The following KHDRBS2 variants were observed in gnomAD, a reference collection of about 807,000 sequenced individuals.
KHDRBS2 encodes KH RNA binding domain containing, signal transduction associated 2, also known as KH domain-containing, RNA-binding, signal transduction-associated protein 2.
In KHDRBS2, 26 loss-of-function variants were observed where a neutral mutation model predicts 44.3. The ratio of observed to expected loss-of-function variants is 0.59; its 90% confidence interval spans 0.43 to 0.81. The LOEUF (loss-of-function observed/expected upper bound fraction) is 0.81. Among genes scored for constraint, KHDRBS2 ranks in the 40% least tolerant of loss-of-function variants. The pLI is 0.00. For missense variants in KHDRBS2, 476 were observed against 433.1 expected (o/e 1.10, Z -0.88); for synonymous variants, 194 against 151.1 (o/e 1.28, Z -2.08).
intron 6 of KHDRBS2, among the ~76,000 whole-genome samples, chr6:61,800,163 C>G (rs780808568): frequency 2.0e-5 from 3 of 152,054 alleles, no homozygotes; most frequent in Non-Finnish European, 4.4e-5. Context: ...AGCTAAGAAT[C>G]ATAGTTCTTG....
At chr6:62,163,713 C>A (rs1429186693) in intron 2 of KHDRBS2, among the ~76,000 whole-genome samples, 1 of 151,918 alleles carries the variant, frequency 6.6e-6, no homozygotes, top group Non-Finnish European at 1.5e-5. Flanking sequence ...CAGACAGACC[C>A]AGGTTCAAAT....
intron 6 of KHDRBS2, among the ~76,000 whole-genome samples, chr6:61,880,754 T>A (rs377644796): frequency 3.9e-4 from 59 of 152,074 alleles, no homozygotes; most frequent in African/African-American, 1.3e-3. Context: ...TACAGTAAAC[T>A]ATACTCCTGT....
intron 1 of KHDRBS2, among the ~76,000 whole-genome samples, chr6:62,221,703 T>C (rs503217): frequency 6.6e-6 from 1 of 151,970 alleles, no homozygotes; most frequent in East Asian, 1.9e-4. Flanking sequence ...ATCACTGTTG[T>C]AGTCAAATTT....
intron 1 of KHDRBS2, among the ~76,000 whole-genome samples, chr6:62,266,333 G>A (rs902081373): frequency 3.3e-5 from 5 of 152,028 alleles, no homozygotes; most frequent in Non-Finnish European, 5.9e-5. Flanking sequence ...CTGGCTGGCA[G>A]AGCCTGCTTC....
chr6:61,561,086 G>T, the KHDRBS2 span, among the ~76,000 whole-genome samples: 1 of 152,132 alleles, frequency 6.6e-6, no homozygotes. Flanking sequence ...ACTCAAAGAA[G>T]TCTCACCATG....
intron 7 of KHDRBS2, among the ~76,000 whole-genome samples, chr6:61,700,579 T>C (rs2295039): frequency 0.36 from 54,321 of 151,126 alleles, 10,454 homozygotes; most frequent in East Asian, 0.49. Context: ...GCACTAATAG[T>C]GAATACACCC....
chr6:61,756,541 T>A (rs1032131852), intron 6 of KHDRBS2, among the ~76,000 whole-genome samples: 1 of 152,236 alleles, frequency 6.6e-6, no homozygotes, highest in East Asian at 1.9e-4. Context: ...ATTACAGGCA[T>A]GAGCCACCAT....
chr6:61,569,289 A>T, the KHDRBS2 span, among the ~76,000 whole-genome samples: 1 of 152,146 alleles, frequency 6.6e-6, no homozygotes, highest in South Asian at 2.1e-4. Context: ...ACCCCAGCTG[A>T]TGGTGTTTTT....
At chr6:61,659,205 A>G in the KHDRBS2 span, 1 of 151,868 alleles carries the variant, frequency 6.6e-6, no homozygotes, top group Non-Finnish European at 1.5e-5. Flanking sequence ...TATAAAGTGC[A>G]TGCCCTTATT....
chr6:61,777,929 G>T (rs558051283), intron 6 of KHDRBS2, among the ~76,000 whole-genome samples: 1 of 151,874 alleles, frequency 6.6e-6, no homozygotes, highest in East Asian at 1.9e-4. Context: ...GGAGTTTGTC[G>T]TATGAATTAT....
At chr6:61,973,649 T>TTA (rs1771893029) in intron 4 of KHDRBS2, among the ~76,000 whole-genome samples, 1 of 152,144 alleles carries the variant, frequency 6.6e-6, no homozygotes, top group Non-Finnish European at 1.5e-5. Flanking sequence ...ACTTAAAATC[T>TTA]TATATATGAG....
At chr6:61,581,056 G>A in the KHDRBS2 span, among the ~76,000 whole-genome samples, 1 of 152,296 alleles carries the variant, frequency 6.6e-6, no homozygotes, top group Non-Finnish European at 1.5e-5. Flanking sequence ...TAAAAAGAGG[G>A]AGAAGGGACA....
intron 7 of KHDRBS2, among the ~76,000 whole-genome samples, chr6:61,700,096 T>C (rs1768409335): frequency 6.6e-6 from 1 of 151,764 alleles, no homozygotes; most frequent in African/African-American, 2.4e-5. Flanking sequence ...AGAAAATAAT[T>C]TAACAAGCAG....
chr6:62,041,299 C>G (rs758892044), intron 3 of KHDRBS2, among the ~76,000 whole-genome samples: 43 of 151,948 alleles, frequency 2.8e-4, no homozygotes, highest in Admixed American at 5.9e-4. Context: ...CCACTACACT[C>G]TAGCCTGGGC....
intron 2 of KHDRBS2, among the ~76,000 whole-genome samples, chr6:62,087,370 T>C (rs1332550117): frequency 1.3e-5 from 2 of 151,704 alleles, no homozygotes; most frequent in Non-Finnish European, 2.9e-5. Context: ...AATTAGATTT[T>C]AAAACTAAGG....
chr6:61,592,555 T>C, the KHDRBS2 span, among the ~76,000 whole-genome samples: 2 of 152,188 alleles, frequency 1.3e-5, no homozygotes, highest in Non-Finnish European at 2.9e-5. Flanking sequence ...CTGAAGTAGA[T>C]TTTTCTCAAC....
the KHDRBS2 span, among the ~76,000 whole-genome samples, chr6:61,594,041 T>C: frequency 2.6e-5 from 4 of 152,014 alleles, no homozygotes; most frequent in Non-Finnish European, 5.9e-5. Flanking sequence ...ATTGAGCTCA[T>C]ACAAATATGT....
At chr6:62,242,249 C>G (rs771531157) in intron 1 of KHDRBS2, among the ~76,000 whole-genome samples, 1 of 152,128 alleles carries the variant, frequency 6.6e-6, no homozygotes, top group Non-Finnish European at 1.5e-5. Flanking sequence ...AACATTCTAT[C>G]TATATCAGCC....
intron 7 of KHDRBS2, among the ~76,000 whole-genome samples, chr6:61,709,351 A>G (rs1770110838): frequency 6.6e-6 from 1 of 151,640 alleles, no homozygotes; most frequent in African/African-American, 2.4e-5. Context: ...ATAGATTAAG[A>G]ATCAAGATAG....
Sources: allele counts gnomAD v4.1 joint callset (sites outside exome capture counted in the v4.1 genomes callset), GRCh38; gene constraint gnomAD v4.1.1; transcripts MANE v1.5; gene names NCBI Gene and HGNC (gene_info 2026-07-23, HGNC 2026-07-21).